Variants in RGS7 observed in about 807,000 individuals in gnomAD.
RGS7 encodes the protein regulator of G-protein signaling 7.
Under a neutral mutation model 81.1 loss-of-function variants are expected in RGS7, and 27 were observed. The ratio of observed to expected loss-of-function variants is 0.33; its 90% CI spans 0.25 to 0.46. RGS7 has a LOEUF of 0.46. Ranked by LOEUF, RGS7 falls within the 20% of genes least tolerant of loss-of-function variation. The pLI, the probability that RGS7 is intolerant of heterozygous loss-of-function variation, is 1.00. For missense variants in RGS7, 396 were observed against 607.4 expected (o/e 0.65, Z 3.66); for synonymous variants, 208 against 207.7 (o/e 1.00, Z -0.01).
At chr1:241,303,765 G>A (rs2079914781) in intron 2 of RGS7, among the ~76,000 whole-genome samples, 1 of 152,176 alleles carries the variant, frequency 6.6e-6, no homozygotes, top group African/African-American at 2.4e-5. Context: ...GCCCTGTGGA[G>A]TTCTTCACAG....
At chr1:241,102,725 C>T (rs144378711) in intron 2 of RGS7, among the ~76,000 whole-genome samples, 298 of 152,164 alleles carry the variant, frequency 2.0e-3, no homozygotes, top group African/African-American at 7.0e-3. Flanking sequence ...ACTAAACCTC[C>T]TAAGAACCTC....
At chr1:241,317,115 T>C (rs1363055241) in intron 2 of RGS7, among the ~76,000 whole-genome samples, 4 of 152,208 alleles carry the variant, frequency 2.6e-5, no homozygotes, top group Non-Finnish European at 4.4e-5. Flanking sequence ...GTTTGGAAGC[T>C]GATTTCAAGC....
intron 2 of RGS7, among the ~76,000 whole-genome samples, chr1:241,320,379 A>G (rs1347159400): frequency 1.3e-5 from 2 of 152,364 alleles, no homozygotes; most frequent in East Asian, 3.9e-4. Context: ...AGTAAGCACT[A>G]TCACACTATA....
At chr1:240,789,320 C>T (rs1042357270) in intron 18 of RGS7, among the ~76,000 whole-genome samples, 5 of 152,130 alleles carry the variant, frequency 3.3e-5, no homozygotes, top group South Asian at 4.1e-4. Flanking sequence ...GTTAACTGTA[C>T]AAATTGTTGT....
At chr1:241,166,215 G>A (rs2070225798) in intron 2 of RGS7, among the ~76,000 whole-genome samples, 1 of 152,224 alleles carries the variant, frequency 6.6e-6, no homozygotes, top group Admixed American at 6.5e-5. Flanking sequence ...AGTCCTTGAA[G>A]GATAGGAAGA....
At chr1:240,837,450 T>C (rs1010903174) in intron 9 of RGS7, among the ~76,000 whole-genome samples, 4 of 152,260 alleles carry the variant, frequency 2.6e-5, no homozygotes, top group Admixed American at 2.6e-4. Flanking sequence ...GGTTGGCATA[T>C]TGGGTACTTT....
chr1:240,796,966 GATA>G (rs1294111324), intron 18 of RGS7, among the ~76,000 whole-genome samples: 2 of 152,180 alleles, frequency 1.3e-5, no homozygotes, highest in African/African-American at 2.4e-5. Flanking sequence ...TTCAAAAAGA[GATA>G]AGATTAGGTG....
chr1:241,303,844 T>C (rs2079919878), intron 2 of RGS7, among the ~76,000 whole-genome samples: 2 of 152,206 alleles, frequency 1.3e-5, no homozygotes, highest in African/African-American at 2.4e-5. Flanking sequence ...AAATTGGTCA[T>C]TAGATTTAGT....
chr1:241,221,516 C>A (rs1028390584), intron 2 of RGS7, among the ~76,000 whole-genome samples: 4 of 152,188 alleles, frequency 2.6e-5, no homozygotes, highest in Admixed American at 2.6e-4. Flanking sequence ...TGAAGCCTAC[C>A]CATACATGAC....
intron 6 of RGS7, among the ~76,000 whole-genome samples, chr1:240,893,943 A>G (rs1222942976): frequency 2.6e-5 from 4 of 152,050 alleles, no homozygotes; most frequent in Non-Finnish European, 5.9e-5. Context: ...TGCTTCTCGA[A>G]TCTCATTCCT....
chr1:240,859,440 G>GTTTTTTTTTTTTT (rs5782167), intron 9 of RGS7, among the ~76,000 whole-genome samples: 17 of 110,828 alleles, frequency 1.5e-4, no homozygotes, highest in African/African-American at 2.4e-4. Flanking sequence ...TTTCTTTCCT[G>GTTTTTTTTTTTTT]TTTTTTTTTT....
chr1:241,003,333 T>A (rs1414795182), intron 3 of RGS7, among the ~76,000 whole-genome samples: 1 of 151,518 alleles, frequency 6.6e-6, no homozygotes, highest in Non-Finnish European at 1.5e-5. Flanking sequence ...TCGTGGCAGG[T>A]GCCTGTAGTC....
intron 18 of RGS7, among the ~76,000 whole-genome samples, chr1:240,779,832 C>T (rs12097299): frequency 0.76 from 114,980 of 152,098 alleles, 43,748 homozygotes; most frequent in African/African-American, 0.79. Flanking sequence ...ACTCAGTTTA[C>T]GTTGGCTATT....
At chr1:241,354,723 GC>G (rs1427858781) in intron 2 of RGS7, among the ~76,000 whole-genome samples, 2 of 152,126 alleles carry the variant, frequency 1.3e-5, no homozygotes, top group African/African-American at 4.8e-5. Flanking sequence ...TCTTCAATGG[GC>G]TTTTCTCTAA....
At chr1:240,780,012 A>G (rs1289585211) in intron 18 of RGS7, among the ~76,000 whole-genome samples, 1 of 152,208 alleles carries the variant, frequency 6.6e-6, no homozygotes, top group Non-Finnish European at 1.5e-5. Context: ...AGCTAATCAA[A>G]TGATGTTGAA....
intron 6 of RGS7, among the ~76,000 whole-genome samples, chr1:240,924,451 T>C (rs973274142): frequency 2.6e-5 from 4 of 152,148 alleles, no homozygotes; most frequent in African/African-American, 9.7e-5. Flanking sequence ...TACAAGATAA[T>C]GCGATGTTTT....
intron 3 of RGS7, among the ~76,000 whole-genome samples, chr1:241,052,512 T>C (rs896161747): frequency 6.6e-5 from 10 of 152,114 alleles, no homozygotes; most frequent in African/African-American, 2.2e-4. Flanking sequence ...TACTCTGAAC[T>C]CTTTGCCATA....
chr1:241,137,275 T>C (rs764697961), intron 2 of RGS7, among the ~76,000 whole-genome samples: 6 of 152,168 alleles, frequency 3.9e-5, no homozygotes, highest in Non-Finnish European at 8.8e-5. Flanking sequence ...CCCAGGTCTT[T>C]GCATTTCTAA....
chr1:241,346,009 G>A lies in RGS7; in HGVS notation c.78+9690C>T, dbSNP rs374999013. ...CAGTCTGGTGATGGAGCGAGAGTCC[G>A]TCTCAAAAATAAAATAAAATAAATA... On this transcript the variant is annotated intron_variant, in intron 2 of 18. Coordinates refer to ENST00000440928, the MANE Select transcript of RGS7 (RefSeq NM_001364886.1). 8.2e-4 allele frequency among the ~76,000 whole-genome samples: 124 copies of A among 151,016 alleles called. 1 individual carries two copies. In the South Asian group the frequency reaches 0.01, roughly 13 times the overall value.
Sources: gnomAD v4.1 joint callset for allele counts (sites outside exome capture counted in the v4.1 genomes callset) on GRCh38, gnomAD v4.1.1 for gene constraint, MANE v1.5 for transcripts, NCBI Gene and HGNC (gene_info 2026-07-23, HGNC 2026-07-21) for gene names.